Variants in RYR2 observed in about 807,000 individuals in gnomAD.
RYR2 encodes the protein cardiac muscle ryanodine receptor-calcium release channel.
Under a neutral mutation model 601.1 loss-of-function variants are expected in RYR2, and 227 were observed. That is an observed-to-expected ratio of 0.38 (90% CI 0.34 to 0.42). The LOEUF (loss-of-function observed/expected upper bound fraction) is 0.42, where lower values mean the gene tolerates loss of function less well. Among genes scored for constraint, RYR2 ranks in the 10% least tolerant of loss-of-function variants. The pLI is 1.00. For missense variants in RYR2, 4,646 were observed against 6,156.5 expected (o/e 0.75, Z 8.21); for synonymous variants, 2,223 against 2,175.1 (o/e 1.02, Z -0.61).
intron 14 of RYR2, among the ~76,000 whole-genome samples, chr1:237,446,625 T>C (rs1275462509): frequency 1.3e-5 from 2 of 152,110 alleles, no homozygotes; most frequent in Non-Finnish European, 2.9e-5. Context: ...TTATAAACCA[T>C]CTCTTTTATA....
intron 68 of RYR2, among the ~76,000 whole-genome samples, chr1:237,707,512 AAC>A (rs1688481749): frequency 6.6e-6 from 1 of 152,226 alleles, no homozygotes. Context: ...TTAATCAATA[AAC>A]ACAGCAGTAA....
chr1:237,074,026 T>A (rs1454683597), intron 1 of RYR2, among the ~76,000 whole-genome samples: 1 of 152,120 alleles, frequency 6.6e-6, no homozygotes, highest in Non-Finnish European at 1.5e-5. Flanking sequence ...TAAAATTTTT[T>A]TGTGTGGGAG....
Position 237,705,265 on chromosome 1 carries a change from G to A in RYR2, c.9502G>A (p.Val3168Ile), listed in dbSNP as rs1473666484. Residue 3168 changes from valine (V) to isoleucine (I), a missense_variant, in exon 67 of 105, where the codon GTA becomes ATA. Coordinates refer to ENST00000366574, the MANE Select transcript of RYR2 (RefSeq NM_001035.3). Reference protein sequence around the residue: ...CLAAFAGAFPVAFLETHLDKH... With the variant: ...CLAAFAGAFPIAFLETHLDKH... The stretch of plus-strand genomic sequence containing the variant: ...AGCTGCCTTTGCTGGTGCTTTTCCT[G>A]TAGCATTTTTGGAAACTCATCTGGA... The A allele has an allele frequency of 3.1e-6, 5 of 1,606,554 alleles. No individual in the cohort carries two copies. The African/African-American group carries it at 5.3e-5, about 17-fold the overall frequency.
intron 12 of RYR2, among the ~76,000 whole-genome samples, chr1:237,430,908 T>A (rs931533711): frequency 3.9e-5 from 6 of 152,198 alleles, no homozygotes; most frequent in African/African-American, 1.4e-4. Flanking sequence ...GATCCTTCTG[T>A]GATTTCTGCT....
chr1:237,305,838 C>G (rs969758752), intron 2 of RYR2, among the ~76,000 whole-genome samples: 1 of 152,146 alleles, frequency 6.6e-6, no homozygotes, highest in Admixed American at 6.5e-5. Flanking sequence ...CAAAATTACT[C>G]ATAATATTGT....
intron 1 of RYR2, among the ~76,000 whole-genome samples, chr1:237,064,751 CTTTTTTTTTTTTTTTTTT>C (rs551797601): frequency 9.1e-6 from 1 of 110,010 alleles, no homozygotes; most frequent in African/African-American, 4.0e-5. Flanking sequence ...TAGAACCTGT[CTTTTTTTTTTTTTTTTTT>C]TTTTTTTTTT....
intron 1 of RYR2, among the ~76,000 whole-genome samples, chr1:237,186,134 G>T (rs145490443): frequency 4.9e-4 from 74 of 152,284 alleles, no homozygotes; most frequent in African/African-American, 1.7e-3. Flanking sequence ...ATCCTGATCC[G>T]TGAAGATGGG....
chr1:237,101,526 AAC>A (rs1006064852), intron 1 of RYR2, among the ~76,000 whole-genome samples: 3 of 152,104 alleles, frequency 2.0e-5, no homozygotes, highest in African/African-American at 7.2e-5. Context: ...ATCAAAAGCA[AAC>A]ACACACACAC....
chr1:237,377,919 T>C (rs552432184), intron 8 of RYR2, among the ~76,000 whole-genome samples: 8 of 152,294 alleles, frequency 5.3e-5, no homozygotes, highest in African/African-American at 1.9e-4. Flanking sequence ...CACTGCATTG[T>C]TTCAAAGAGT....
chr1:237,536,901 G>T (rs565409744), intron 25 of RYR2, among the ~76,000 whole-genome samples: 2 of 151,464 alleles, frequency 1.3e-5, no homozygotes, highest in South Asian at 4.2e-4. Context: ...AAAAAGACTT[G>T]CAGAACAATA....
intron 12 of RYR2, among the ~76,000 whole-genome samples, chr1:237,426,281 A>G (rs1370178234): frequency 1.3e-5 from 2 of 152,134 alleles, no homozygotes; most frequent in African/African-American, 4.8e-5. Context: ...CTCCATTGTG[A>G]AAATAGAGAG....
At chr1:237,559,294 C>A (rs1227814733) in intron 27 of RYR2, among the ~76,000 whole-genome samples, 3 of 152,068 alleles carry the variant, frequency 2.0e-5, no homozygotes, top group Non-Finnish European at 4.4e-5. Flanking sequence ...GCCCCATCAC[C>A]CTCTCTCTAA....
In RYR2 at chr1:237,640,687, A is replaced by T. The variant is rs539931396; in HGVS notation, c.7116-210A>T. On this transcript the variant is annotated intron_variant, in intron 46 of 104. Transcript: ENST00000366574. ...AATCTTAATACTAAAATTTCCACAG[A>T]TGTGTTCTTGGTGTTAGAATCTCAA... Among the ~76,000 whole-genome samples the T allele has an allele frequency of 4.6e-5, 7 of 152,250 alleles. No homozygotes were observed. The South Asian group carries it at 8.3e-4, about 18-fold the overall frequency.
chr1:237,408,392 T>TTATTTATATATATATATATA (rs1704113072), intron 10 of RYR2, among the ~76,000 whole-genome samples: 1 of 62,604 alleles, frequency 1.6e-5, no homozygotes, highest in Non-Finnish European at 3.0e-5. Flanking sequence ...TCTAGATTCT[T>TTATTTATATATATATATATA]TATATATATA....
intron 13 of RYR2, among the ~76,000 whole-genome samples, chr1:237,442,754 T>C (rs538653255): frequency 2.9e-4 from 44 of 152,300 alleles, no homozygotes; most frequent in African/African-American, 1.0e-3. Context: ...TCTGACTTTT[T>C]TTCCCCATTG....
chr1:237,431,284 T>C (rs1299340434), intron 12 of RYR2, among the ~76,000 whole-genome samples: 3 of 152,190 alleles, frequency 2.0e-5, no homozygotes. Context: ...AATTATTTCT[T>C]TTAAAATGAC....
intron 17 of RYR2, among the ~76,000 whole-genome samples, chr1:237,475,766 A>C (rs1056504854): frequency 6.6e-5 from 10 of 152,254 alleles, no homozygotes; most frequent in Non-Finnish European, 1.3e-4. Context: ...TGGTGAAAGC[A>C]CCAGTGACAC....
chr1:237,156,550 T>C (rs1455148046), intron 1 of RYR2, among the ~76,000 whole-genome samples: 1 of 152,230 alleles, frequency 6.6e-6, no homozygotes, highest in Non-Finnish European at 1.5e-5. Context: ...GTTAATATTC[T>C]TAGGGATACA....
intron 1 of RYR2, among the ~76,000 whole-genome samples, chr1:237,053,079 C>A (rs1661487092): frequency 6.6e-6 from 1 of 152,184 alleles, no homozygotes; most frequent in Admixed American, 6.5e-5. Context: ...GATCTCTTGA[C>A]CTCATGGTCC....
Sources: allele counts gnomAD v4.1 joint callset (sites outside exome capture counted in the v4.1 genomes callset), GRCh38; gene constraint gnomAD v4.1.1; transcripts MANE v1.5; gene names NCBI Gene and HGNC (gene_info 2026-07-23, HGNC 2026-07-21).